Variants in ROBO1 observed in about 807,000 individuals in gnomAD.
ROBO1 encodes the protein roundabout homolog 1.
Under a neutral mutation model 195.9 loss-of-function variants are expected in ROBO1, and 149 were observed. The observed-to-expected ratio is 0.76, with a 90% CI of 0.67 to 0.87. The LOEUF is 0.87. Among genes scored for constraint, ROBO1 ranks in the 40% least tolerant of loss-of-function variants. ROBO1 has a pLI of 0.00. For synonymous variants in ROBO1, 816 were observed against 733.2 expected (o/e 1.11, Z -1.82); for missense variants, 1,933 against 2,068.3 (o/e 0.93, Z 1.27).
chr3:79,571,546 T>C lies in ROBO1; in HGVS notation c.88+18278A>G, dbSNP rs1044705765. ...ATACATTTATAGAGGAAAGGACTTA[T>C]CTAAAAACATGAAAATAAAGACAAC... On this transcript the variant is annotated intron_variant, in intron 2 of 30. Transcript: ENST00000464233. Among the ~76,000 whole-genome samples, 8 of 152,058 alleles carry C rather than the reference T, an allele frequency of 5.3e-5. No individual in the cohort carries two copies. The East Asian group carries it at 1.3e-3, about 26-fold the overall frequency.
intron 2 of ROBO1, among the ~76,000 whole-genome samples, chr3:79,399,557 C>T (rs2037284829): frequency 6.6e-6 from 1 of 152,130 alleles, no homozygotes; most frequent in Admixed American, 6.6e-5. Flanking sequence ...CTGATTAAGC[C>T]TGTATTTAAA....
chr3:79,194,831 A>C (rs529729093), intron 2 of ROBO1, among the ~76,000 whole-genome samples: 1 of 151,732 alleles, frequency 6.6e-6, no homozygotes, highest in Non-Finnish European at 1.5e-5. Context: ...GGCCCCATAA[A>C]ATTGGAAGTG....
chr3:79,707,179 A>G (rs1947797506), intron 1 of ROBO1, among the ~76,000 whole-genome samples: 1 of 152,108 alleles, frequency 6.6e-6, no homozygotes, highest in African/African-American at 2.4e-5. Flanking sequence ...TCTTTGATAG[A>G]TATAGGTCTA....
At chr3:79,177,192 T>G (rs1471505211) in intron 2 of ROBO1, among the ~76,000 whole-genome samples, 1 of 152,218 alleles carries the variant, frequency 6.6e-6, no homozygotes. Flanking sequence ...AAGGGAAACT[T>G]AGATTCTTCT....
intron 3 of ROBO1, among the ~76,000 whole-genome samples, chr3:79,020,814 T>G (rs957509948): frequency 6.6e-6 from 1 of 152,080 alleles, no homozygotes; most frequent in Non-Finnish European, 1.5e-5. Flanking sequence ...AAAAAATTAT[T>G]TGGTGTCTAG....
In ROBO1 at chr3:79,301,136, C is replaced by CT. The variant is rs201662728; in HGVS notation, c.89-175598dup. ...CTACTGCTCACTCTTTGGGTCCACG[C>CT]TGCTTTTATGAGCTTTAACACTCAT... is the stretch of plus-strand genomic sequence containing the variant. On this transcript the variant is annotated intron_variant, in intron 2 of 30. Coordinates refer to ENST00000464233, the MANE Select transcript of ROBO1 (RefSeq NM_002941.4). Among the ~76,000 whole-genome samples, 183 of 152,266 alleles carry CT rather than the reference C, an allele frequency of 1.2e-3. 5 individuals carry two copies. In the East Asian group the frequency reaches 0.025, roughly 21 times the overall value.
At chr3:79,407,329 G>C (rs1052908992) in intron 2 of ROBO1, among the ~76,000 whole-genome samples, 2 of 152,046 alleles carry the variant, frequency 1.3e-5, no homozygotes, top group Non-Finnish European at 2.9e-5. Context: ...TCACAGTCTC[G>C]GGGCCTTGCC....
chr3:79,674,819 T>C (rs891973463), intron 1 of ROBO1, among the ~76,000 whole-genome samples: 1 of 140,706 alleles, frequency 7.1e-6, no homozygotes, highest in African/African-American at 2.7e-5. Flanking sequence ...GATCAATCTA[T>C]TTATATCCGT....
In ROBO1 at chr3:78,748,786, T is replaced by A. The variant is rs563691406; in HGVS notation, c.500-1886A>T. Among the ~76,000 whole-genome samples the A allele has an allele frequency of 2.0e-5, 3 of 150,136 alleles. No individual in the cohort carries two copies. In the South Asian group the frequency reaches 6.2e-4, roughly 31 times the overall value. On this transcript the variant is annotated intron_variant, in intron 4 of 30. Coordinates refer to ENST00000464233, the MANE Select transcript of ROBO1 (RefSeq NM_002941.4). Reference sequence around the variant, plus strand: ...ATATTAAGACAACTTGGGCACGGCATGACTATGTTAATATTTGGAAACTAC... The same window carrying A: ...ATATTAAGACAACTTGGGCACGGCAAGACTATGTTAATATTTGGAAACTAC...
At chr3:78,925,540 T>C (rs2039162653) in intron 4 of ROBO1, among the ~76,000 whole-genome samples, 1 of 152,248 alleles carries the variant, frequency 6.6e-6, no homozygotes, top group Admixed American at 6.5e-5. Context: ...ATGTAAATTG[T>C]ACCTTACCCT....
chr3:79,223,612 C>A (rs1046767271), intron 2 of ROBO1, among the ~76,000 whole-genome samples: 2 of 152,142 alleles, frequency 1.3e-5, no homozygotes, highest in African/African-American at 4.8e-5. Context: ...CAGGACTCAT[C>A]CATATTTATC....
chr3:79,068,417 A>G (rs908087902), intron 3 of ROBO1, among the ~76,000 whole-genome samples: 3 of 151,840 alleles, frequency 2.0e-5, no homozygotes, highest in African/African-American at 7.2e-5. Context: ...GTCTTCAGCA[A>G]TTGGCTTTAT....
At chr3:78,735,784 T>C (rs1301388256) in intron 5 of ROBO1, among the ~76,000 whole-genome samples, 2 of 152,200 alleles carry the variant, frequency 1.3e-5, no homozygotes, top group Admixed American at 6.5e-5. Context: ...TGTTAAGATA[T>C]ATCGTAATCA....
chr3:79,663,972 C>T (rs1483437401), intron 1 of ROBO1, among the ~76,000 whole-genome samples: 3 of 151,996 alleles, frequency 2.0e-5, no homozygotes, highest in Admixed American at 1.3e-4. Flanking sequence ...TTCAGTCCTT[C>T]CATTTATTCT....
chr3:79,110,075 G>A (rs979649941), intron 3 of ROBO1, among the ~76,000 whole-genome samples: 1 of 152,002 alleles, frequency 6.6e-6, no homozygotes, highest in Admixed American at 6.6e-5. Context: ...TAGGAAAATT[G>A]CTTTAATCTC....
chr3:79,612,540 T>C (rs903846343), intron 1 of ROBO1, among the ~76,000 whole-genome samples: 4 of 151,610 alleles, frequency 2.6e-5, no homozygotes, highest in Non-Finnish European at 5.9e-5. Flanking sequence ...TTTGGGTATA[T>C]ACCCAGTAAT....
At chr3:79,043,932 A>T (rs577024638) in intron 3 of ROBO1, among the ~76,000 whole-genome samples, 305 of 152,240 alleles carry the variant, frequency 2.0e-3, no homozygotes, top group Non-Finnish European at 3.5e-3. Context: ...TCTGCACGAT[A>T]ATTCACCTAC....
intron 2 of ROBO1, among the ~76,000 whole-genome samples, chr3:79,173,566 C>T (rs549381166): frequency 1.3e-5 from 2 of 152,254 alleles, no homozygotes; most frequent in East Asian, 3.9e-4. Flanking sequence ...TCCCACAGGG[C>T]AGGGCTGGGG....
At chr3:78,948,012 G>T (rs1413414829) in intron 3 of ROBO1, among the ~76,000 whole-genome samples, 1 of 152,158 alleles carries the variant, frequency 6.6e-6, no homozygotes, top group East Asian at 1.9e-4. Context: ...AACAGGCTCT[G>T]AAATTGAGGC....
Sources: allele counts gnomAD v4.1 joint callset (sites outside exome capture counted in the v4.1 genomes callset), GRCh38; gene constraint gnomAD v4.1.1; transcripts MANE v1.5; gene names NCBI Gene and HGNC (gene_info 2026-07-23, HGNC 2026-07-21).